The following TTC3 variants were observed in gnomAD, a reference collection of about 807,000 sequenced individuals.
TTC3 encodes the protein tetratricopeptide repeat domain 3, also known as E3 ubiquitin-protein ligase TTC3.
TTC3 carries 180 observed loss-of-function variants against 249.6 expected under a neutral mutation model. That is an observed-to-expected ratio of 0.72 (90% CI 0.64 to 0.82). The LOEUF (loss-of-function observed/expected upper bound fraction) is 0.82. Ranked by LOEUF, TTC3 falls within the 40% of genes least tolerant of loss-of-function variation. TTC3 has a pLI of 0.00. For synonymous variants in TTC3, 717 were observed against 805.0 expected (o/e 0.89, Z 1.85); for missense variants, 2,061 against 2,398.4 (o/e 0.86, Z 2.94).
chr21:37,137,840 G>C (rs1337884247), intron 18 of TTC3, among the ~76,000 whole-genome samples: 8 of 151,990 alleles, frequency 5.3e-5, no homozygotes, highest in African/African-American at 9.7e-5. Context: ...TAATTTTCAG[G>C]AACTACCACC....
At chr21:37,158,007 G>T in intron 28 of TTC3, 3 of 412,848 alleles carry the variant, frequency 7.3e-6, no homozygotes, top group Non-Finnish European at 9.8e-6. Context: ...AAAAGGTCTG[G>T]CCTTGTACGA....
chr21:37,119,048 G>C (rs77106346), intron 11 of TTC3, among the ~76,000 whole-genome samples: 8,781 of 152,128 alleles, frequency 0.058, 625 homozygotes, highest in African/African-American at 0.15. Context: ...TTATTTTGCT[G>C]TTCATTATAG....
At chr21:37,087,001 A>G (rs2072579349) in intron 1 of TTC3, 1 of 468,310 alleles carries the variant, frequency 2.1e-6, no homozygotes, top group Non-Finnish European at 3.8e-6. Context: ...AAACAGGTTA[A>G]CTTAGAGTAG....
intron 36 of TTC3, among the ~76,000 whole-genome samples, chr21:37,184,315 A>T (rs2083027990): frequency 6.6e-6 from 1 of 152,032 alleles, no homozygotes; most frequent in Non-Finnish European, 1.5e-5. Context: ...ATGATAAGAA[A>T]TTTTTTTTCT....
At chr21:37,191,291 A>C in intron 39 of TTC3, 43 bp from the exon 40 acceptor site, 1 of 1,426,442 alleles carries the variant, frequency 7.0e-7, no homozygotes, top group Non-Finnish European at 9.5e-7. Flanking sequence ...AGTGCTTTTA[A>C]TTTTTAAAAT....
At chr21:37,186,407 T>TA (rs1312701508) in intron 37 of TTC3, among the ~76,000 whole-genome samples, 1 of 152,174 alleles carries the variant, frequency 6.6e-6, no homozygotes, top group Non-Finnish European at 1.5e-5. Context: ...GCTCAAAGGA[T>TA]AGGGAATGTT....
chr21:37,090,046 A>G (rs888304398), intron 5 of TTC3, among the ~76,000 whole-genome samples, 187 bp from the exon 6 acceptor site: 2 of 151,982 alleles, frequency 1.3e-5, no homozygotes, highest in Admixed American at 6.6e-5. Context: ...CTAGAACCCT[A>G]TTGGAGACTA....
intron 32 of TTC3, among the ~76,000 whole-genome samples, chr21:37,165,064 T>C (rs917383583): frequency 6.6e-6 from 1 of 152,228 alleles, no homozygotes; most frequent in South Asian, 2.1e-4. Context: ...AAAATTATAC[T>C]ATTATTTCTT....
chr21:37,142,960 A>C (rs555144321), intron 20 of TTC3, among the ~76,000 whole-genome samples: 3 of 152,226 alleles, frequency 2.0e-5, no homozygotes, highest in Non-Finnish European at 4.4e-5. Context: ...CAACTATCTG[A>C]TCTTTGACAA....
intron 1 of TTC3, chr21:37,084,414 T>A (rs2072123994): frequency 6.6e-6 from 1 of 152,238 alleles, no homozygotes; most frequent in Non-Finnish European, 1.5e-5. Flanking sequence ...CAGTGGATTT[T>A]AAAAATACTC....
intron 20 of TTC3, among the ~76,000 whole-genome samples, chr21:37,141,412 TC>T (rs144048156): frequency 2.1e-4 from 31 of 150,532 alleles, no homozygotes; most frequent in African/African-American, 6.1e-4. Context: ...TTTTGGGGAA[TC>T]CCCCCCCCAG....
rs1430988392 is a variant in TTC3 at position 37,167,625 on chromosome 21, G to A, written c.4467+5G>A. ...AATCCTTTTGAGGAACGACAAGTGA[G>A]TCAAAATTACATTAAACTGTTTAAA... On this transcript the variant is annotated splice_donor_5th_base_variant and intron_variant, in intron 34 of 45. Coordinates refer to ENST00000355666, the Ensembl canonical transcript of TTC3. The A allele has an allele frequency of 6.2e-7, 1 of 1,604,532 alleles. No individual in the cohort carries two copies. Among genetic ancestry groups the A allele is most frequent in the South Asian group, 1.1e-5 (1 of 90,508 alleles).
At chr21:37,199,462 C>T (rs753088137) in intron 44 of TTC3, among the ~76,000 whole-genome samples, 7 of 152,208 alleles carry the variant, frequency 4.6e-5, no homozygotes, top group South Asian at 2.1e-4. Context: ...GCTCTCACAT[C>T]GAAAGCACTG....
At chr21:37,073,920 G>A (rs1168514143) in intron 1 of TTC3, among the ~76,000 whole-genome samples, 1 of 152,272 alleles carries the variant, frequency 6.6e-6, no homozygotes, top group Non-Finnish European at 1.5e-5. Context: ...TCGCGCAAGT[G>A]TGCGTCCTTG....
At chr21:37,158,080 A>G in intron 28 of TTC3, 2 of 981,288 alleles carry the variant, frequency 2.0e-6, no homozygotes, top group Non-Finnish European at 1.2e-6. Context: ...TTTGACAACA[A>G]AAGTTCTTAG....
In TTC3 at chr21:37,165,931, T is replaced by C. The variant is rs200148675; in HGVS notation, c.3717T>C (p.Pro1239=). The C allele has an allele frequency of 3.5e-5, 56 of 1,614,192 alleles. No individual in the cohort carries two copies. The African/African-American group carries it at 6.9e-4, about 20-fold the overall frequency. ...CTTTTGAAAATGTGAAACCCAAACC[T>C]GTGTCTGCAAATTCTCCCAAGCCAG... Residue 1239 remains proline (P), a synonymous_variant, in exon 33 of 46, where the codon CCT becomes CCC. Coordinates refer to ENST00000355666, the Ensembl canonical transcript of TTC3.
chr21:37,092,097 GTATGAGGT>G (rs2073351153), intron 7 of TTC3, among the ~76,000 whole-genome samples: 3 of 152,136 alleles, frequency 2.0e-5, no homozygotes, highest in East Asian at 3.8e-4. Context: ...GTTCTTTTAT[GTATGAGGT>G]AACTGCCTTA....
chr21:37,097,800 A>C, intron 10 of TTC3: 1 of 547,306 alleles, frequency 1.8e-6, no homozygotes, highest in Non-Finnish European at 3.3e-6. Flanking sequence ...GTCTGCTATC[A>C]GTTGTTTTTC....
At chr21:37,165,490 A>G (rs2081167041) in intron 32 of TTC3, 60 bp from the exon 33 acceptor site, 1 of 1,336,220 alleles carries the variant, frequency 7.5e-7, no homozygotes, top group Non-Finnish European at 1.0e-6. Context: ...AGTTTTTTTC[A>G]AATAGACATA....
Sources: gnomAD v4.1 joint callset for allele counts (sites outside exome capture counted in the v4.1 genomes callset) on GRCh38, gnomAD v4.1.1 for gene constraint, MANE v1.5 for transcripts, NCBI Gene and HGNC (gene_info 2026-07-23, HGNC 2026-07-21) for gene names.